Variants in TUBB8B observed in about 807,000 individuals in gnomAD.
The protein encoded by TUBB8B is tubulin beta 8B.
Under a neutral mutation model 31.9 loss-of-function variants are expected in TUBB8B, and 26 were observed. The observed-to-expected ratio is 0.81, with a 90% CI of 0.60 to 1.13. The LOEUF (loss-of-function observed/expected upper bound fraction) is 1.13. Among genes scored for constraint, TUBB8B ranks in the 50% most tolerant of loss-of-function variants. The probability of loss-of-function intolerance (pLI) is 0.00; values close to 1 mark genes in which losing one functional copy is unlikely to be tolerated. For synonymous variants in TUBB8B, 173 were observed against 231.0 expected (o/e 0.75, Z 2.28); for missense variants, 467 against 586.7 (o/e 0.80, Z 2.11).
chr18:64,857 T>TAA, the TUBB8B span, among the ~76,000 whole-genome samples: 3 of 152,104 alleles, frequency 2.0e-5, no homozygotes, highest in African/African-American at 7.2e-5. Flanking sequence ...TCTGCTAATT[T>TAA]TTTCCCCTAA....
the TUBB8B span, among the ~76,000 whole-genome samples, chr18:57,476 C>T: frequency 6.6e-6 from 1 of 151,810 alleles, no homozygotes; most frequent in Non-Finnish European, 1.5e-5. Flanking sequence ...CGTCCCATTT[C>T]CAGGGCACAC....
chr18:64,458 C>T, the TUBB8B span, among the ~76,000 whole-genome samples: 61 of 152,224 alleles, frequency 4.0e-4, no homozygotes, highest in Admixed American at 1.8e-3. Context: ...GGCATGGTGG[C>T]TCCTGCCTAT....
chr18:59,694 C>G, the TUBB8B span, among the ~76,000 whole-genome samples: 1 of 151,364 alleles, frequency 6.6e-6, no homozygotes, highest in Non-Finnish European at 1.5e-5. Flanking sequence ...CAGGTGCCCA[C>G]CACTCCACCT....
chr18:57,865 A>G, the TUBB8B span, among the ~76,000 whole-genome samples: 2 of 151,990 alleles, frequency 1.3e-5, no homozygotes, highest in Admixed American at 1.3e-4. Flanking sequence ...TGCATTTTGT[A>G]CACTCACAGG....
the TUBB8B span, among the ~76,000 whole-genome samples, chr18:58,845 G>A: frequency 1.3e-5 from 2 of 151,744 alleles, no homozygotes; most frequent in Non-Finnish European, 2.9e-5. Flanking sequence ...AGTGGCTCAT[G>A]ATTCTACAGG....
At chr18:48,846 G>A (rs1905882681) in intron 3 of TUBB8B, 94 bp downstream of exon 3, 1 of 921,650 alleles carries the variant, frequency 1.1e-6, no homozygotes, top group South Asian at 1.3e-5. Context: ...CAGGGGCCCT[G>A]GCGCCACAGT....
chr18:54,174 A>G (rs183823972), upstream of TUBB8B, among the ~76,000 whole-genome samples: 11 of 151,862 alleles, frequency 7.2e-5, no homozygotes, highest in East Asian at 2.1e-3. Context: ...GTTAACCTGA[A>G]AAGCTACTTC....
chr18:67,273 G>A, the TUBB8B span, among the ~76,000 whole-genome samples: 2 of 152,276 alleles, frequency 1.3e-5, no homozygotes, highest in Admixed American at 1.3e-4. Flanking sequence ...TGGGATTACA[G>A]GCGTGAGCCA....
the TUBB8B span, among the ~76,000 whole-genome samples, chr18:63,434 G>A: frequency 5.3e-5 from 8 of 151,482 alleles, no homozygotes; most frequent in African/African-American, 1.5e-4. Context: ...TTCTTTCTCT[G>A]AAACCAGCAG....
At chr18:52,742 G>GA (rs1160910023), upstream of TUBB8B, among the ~76,000 whole-genome samples, 2 of 105,562 alleles carry the variant, frequency 1.9e-5, no homozygotes, top group Non-Finnish European at 2.2e-5. Flanking sequence ...TCTTGTGCAG[G>GA]AAAAAATTTG....
the TUBB8B span, among the ~76,000 whole-genome samples, chr18:63,636 TAACCCCA>T: frequency 6.6e-6 from 1 of 150,938 alleles, no homozygotes; most frequent in Non-Finnish European, 1.5e-5. Flanking sequence ...GCCCTAACCC[TAACCCCA>T]AACCCTAACC....
At chr18:48,910 G>T (rs760369515) in intron 3 of TUBB8B, 30 bp downstream of exon 3, 3 of 1,447,090 alleles carry the variant, frequency 2.1e-6, no homozygotes, top group East Asian at 2.3e-5. Flanking sequence ...TGGCTAAGGA[G>T]CCGCACCCCA....
upstream of TUBB8B, among the ~76,000 whole-genome samples, chr18:52,257 CT>C (rs1906139441): frequency 6.6e-6 from 1 of 151,938 alleles, no homozygotes; most frequent in Non-Finnish European, 1.5e-5. Context: ...TTTGGGGCCT[CT>C]TTCCTGGGGC....
At chr18:63,501 T>A in the TUBB8B span, among the ~76,000 whole-genome samples, 3 of 150,880 alleles carry the variant, frequency 2.0e-5, no homozygotes, top group Non-Finnish European at 4.5e-5. Context: ...TAAGCATCCC[T>A]GAGGCCATCA....
the TUBB8B span, among the ~76,000 whole-genome samples, chr18:59,198 A>G: frequency 2.6e-5 from 4 of 151,882 alleles, no homozygotes; most frequent in South Asian, 2.1e-4. Flanking sequence ...TTTTCCAAAT[A>G]TAAGATTATA....
At chr18:60,068 C>T in the TUBB8B span, among the ~76,000 whole-genome samples, 1 of 151,866 alleles carries the variant, frequency 6.6e-6, no homozygotes, top group Non-Finnish European at 1.5e-5. Flanking sequence ...CAGTGTAATA[C>T]TAGCCTCAAA....
upstream of TUBB8B, among the ~76,000 whole-genome samples, chr18:51,588 C>T (rs76112443): frequency 0.012 from 1,347 of 112,894 alleles, no homozygotes; most frequent in Non-Finnish European, 0.016. Flanking sequence ...TACAGGCACC[C>T]ACCACCATGC....
the TUBB8B span, among the ~76,000 whole-genome samples, chr18:66,646 G>A: frequency 6.6e-6 from 1 of 152,150 alleles, no homozygotes; most frequent in Non-Finnish European, 1.5e-5. Flanking sequence ...GATTGTACCA[G>A]AATCATGTTG....
At chr18:58,797 C>G in the TUBB8B span, among the ~76,000 whole-genome samples, 2 of 151,636 alleles carry the variant, frequency 1.3e-5, no homozygotes, top group South Asian at 4.2e-4. Context: ...CTATAAATAC[C>G]TGAGACTGGG....
Sources: gnomAD v4.1 joint callset for allele counts (sites outside exome capture counted in the v4.1 genomes callset) on GRCh38, gnomAD v4.1.1 for gene constraint, MANE v1.5 for transcripts, NCBI Gene and HGNC (gene_info 2026-07-23, HGNC 2026-07-21) for gene names.